The following ZNF679 variants were observed in gnomAD, a reference collection of about 807,000 sequenced individuals.
ZNF679 encodes the protein hypothetical protein MGC42415.
A neutral mutation model predicts 13.4 loss-of-function variants in ZNF679; 10 were observed. The ratio of observed to expected loss-of-function variants is 0.75; its 90% CI spans 0.46 to 1.27. ZNF679 has a LOEUF of 1.27. Ranked by LOEUF, ZNF679 falls within the 50% of genes most tolerant of loss-of-function variation. ZNF679 has a pLI of 0.00. For synonymous variants in ZNF679, 179 were observed against 162.5 expected (o/e 1.10, Z -0.77); for missense variants, 525 against 477.8 (o/e 1.10, Z -0.92).
At chr7:64,248,110 G>T (rs1787892516) in intron 1 of ZNF679, among the ~76,000 whole-genome samples, 1 of 151,982 alleles carries the variant, frequency 6.6e-6, no homozygotes, top group African/African-American at 2.4e-5. Flanking sequence ...AGAAGGTGAA[G>T]GGAAAGCAAG....
chr7:64,254,637 A>C (rs946021560), intron 2 of ZNF679, among the ~76,000 whole-genome samples: 2 of 152,200 alleles, frequency 1.3e-5, no homozygotes, highest in Non-Finnish European at 2.9e-5. Flanking sequence ...CCCAGTTTAC[A>C]GACAGTAGCT....
chr7:64,248,567 C>T (rs1225594072), intron 1 of ZNF679, among the ~76,000 whole-genome samples: 1 of 151,970 alleles, frequency 6.6e-6, no homozygotes, highest in Non-Finnish European at 1.5e-5. Context: ...GGCCTGAGCC[C>T]CCACGCCTGG....
rs1562840452 is a variant in ZNF679 at position 64,237,022 on chromosome 7, A to ACC, written c.-91+8370_-91+8371insCC. On this transcript the variant is annotated intron_variant, in intron 1 of 4. Transcript: ENST00000421025. ...AAGAAAAAGAAAGAAAGAAAGAAAG[A>ACC]AACCTATGGGTAGGGAACAGTACAC... 6.0e-5 allele frequency among the ~76,000 whole-genome samples: 9 copies of ACC among 151,028 alleles called. No homozygotes were observed. In the East Asian group the frequency reaches 1.2e-3, roughly 20 times the overall value.
chr7:64,250,020 T>C (rs368788302), intron 2 of ZNF679, among the ~76,000 whole-genome samples: 2 of 152,226 alleles, frequency 1.3e-5, no homozygotes, highest in East Asian at 3.9e-4. Context: ...TTTTGTATTT[T>C]TAGTAGAGAT....
rs1788159658 is a variant in ZNF679, at chr7:64,266,748, G to A, written c.1115G>A (p.Arg372Lys). The A allele has an allele frequency of 1.9e-6, 3 of 1,611,092 alleles. No individual in the cohort carries two copies. Among genetic ancestry groups the A allele is most frequent in the Non-Finnish European group, 2.5e-6 (3 of 1,178,636 alleles). Reference sequence around the variant, plus strand: ...TCCTCAACTCTTAATACTCATAAGAGGATTCATACTGGAGAGGAACCCTAC... The same window carrying A: ...TCCTCAACTCTTAATACTCATAAGAAGATTCATACTGGAGAGGAACCCTAC... ...AFSSTLNTHKRIHTGEEPYKC... is the reference protein window; with the variant it reads ...AFSSTLNTHKKIHTGEEPYKC... The change falls in exon 5 of 5, where the codon AGG (arginine) becomes AAG (lysine). Residue 372 changes from arginine (R) to lysine (K), a missense_variant. Physicochemically the swap from Arg to Lys is conservative, Grantham distance 26 (BLOSUM62 2). Transcript: ENST00000421025.
intron 4 of ZNF679, among the ~76,000 whole-genome samples, chr7:64,263,361 G>A (rs1400626426): frequency 6.6e-6 from 1 of 152,154 alleles, no homozygotes; most frequent in African/African-American, 2.4e-5. Flanking sequence ...AAAGTGCTGA[G>A]AGTACACCTG....
chr7:64,249,955 C>A (rs779857499), intron 2 of ZNF679, among the ~76,000 whole-genome samples: 1 of 152,088 alleles, frequency 6.6e-6, no homozygotes, highest in Non-Finnish European at 1.5e-5. Context: ...AGTTCTCACG[C>A]CTCAGGCTCC....
intron 1 of ZNF679, among the ~76,000 whole-genome samples, chr7:64,238,988 A>C (rs904444012): frequency 6.6e-6 from 1 of 152,122 alleles, no homozygotes; most frequent in East Asian, 1.9e-4. Flanking sequence ...TATGAAGATC[A>C]CAGAGGATTA....
intron 1 of ZNF679, among the ~76,000 whole-genome samples, chr7:64,244,313 T>A (rs915718827): frequency 3.3e-5 from 5 of 152,174 alleles, no homozygotes; most frequent in Non-Finnish European, 5.9e-5. Context: ...TTTAAAAAAA[T>A]TATTTAATTC....
intron 1 of ZNF679, among the ~76,000 whole-genome samples, chr7:64,246,280 A>C (rs1236687629): frequency 6.6e-6 from 1 of 152,198 alleles, no homozygotes; most frequent in Admixed American, 6.5e-5. Context: ...GTGTGCCATC[A>C]CTTACAAAAA....
chr7:64,258,796 C>T (rs769181862), intron 2 of ZNF679, among the ~76,000 whole-genome samples: 40 of 151,376 alleles, frequency 2.6e-4, no homozygotes, highest in Non-Finnish European at 5.2e-4. Context: ...CTGTTTATAC[C>T]TAATGAGTTT....
chr7:64,266,044 A>G lies in ZNF679; in HGVS notation c.411A>G (p.Gln137=), dbSNP rs1239591766. 6.2e-7 allele frequency: 1 copy of G among 1,613,370 alleles called. No individual in the cohort carries two copies. Residue 137 remains glutamine, a synonymous_variant, in exon 5 of 5, where the codon CAA becomes CAG. Transcript: ENST00000421025. ...TCKSMGECEV[Q]KGGCNEVNQC... ...AAAGCATGGGTGAGTGTGAGGTGCAAAAAGGAGGTTGTAATGAAGTTAACC... is the reference window on the plus strand; with the variant it reads ...AAAGCATGGGTGAGTGTGAGGTGCAGAAAGGAGGTTGTAATGAAGTTAACC...
In ZNF679 at chr7:64,266,742, A is replaced by T. The variant is rs1313135609; in HGVS notation, c.1109A>T (p.His370Leu). The change falls in exon 5 of 5, where the codon CAT becomes CTT. Residue 370 changes from histidine to leucine, a missense_variant. Transcript: ENST00000421025. ...AFAFSSTLNT[H>L]KRIHTGEEPY... ...GCCTTCTCCTCAACTCTTAATACTC[A>T]TAAGAGGATTCATACTGGAGAGGAA... is the stretch of plus-strand genomic sequence containing the variant. The T allele has an allele frequency of 6.2e-7, 1 of 1,611,532 alleles. No individual in the cohort carries two copies. Among genetic ancestry groups the T allele is most frequent in the South Asian group, 1.1e-5 (1 of 90,800 alleles).
At chr7:64,230,397 G>GT (rs1373313684) in intron 1 of ZNF679, among the ~76,000 whole-genome samples, 1 of 151,948 alleles carries the variant, frequency 6.6e-6, no homozygotes, top group Admixed American at 6.6e-5. Context: ...GCCGGGCGCG[G>GT]TGGCGGGCGC....
At chr7:64,247,019 A>G (rs143479368) in intron 1 of ZNF679, among the ~76,000 whole-genome samples, 7 of 152,292 alleles carry the variant, frequency 4.6e-5, no homozygotes, top group African/African-American at 1.7e-4. Flanking sequence ...TTTTTAGACC[A>G]TGTAAGGTCA....
At chr7:64,234,035 G>A (rs894356842) in intron 1 of ZNF679, among the ~76,000 whole-genome samples, 2 of 152,126 alleles carry the variant, frequency 1.3e-5, no homozygotes, top group Admixed American at 6.6e-5. Context: ...ACCCTCATTA[G>A]AATCAACTGC....
chr7:64,243,639 T>C (rs945461245), intron 1 of ZNF679, among the ~76,000 whole-genome samples: 2 of 152,118 alleles, frequency 1.3e-5, no homozygotes, highest in African/African-American at 4.8e-5. Context: ...CTCAGAAATA[T>C]GTCCCAATAC....
At chr7:64,264,449 T>C (rs1339169614) in intron 4 of ZNF679, among the ~76,000 whole-genome samples, 1 of 152,130 alleles carries the variant, frequency 6.6e-6, no homozygotes, top group Non-Finnish European at 1.5e-5. Context: ...TTTTTGTATA[T>C]GCATATGTTT....
At chr7:64,240,782 A>T (rs1006131507) in intron 1 of ZNF679, among the ~76,000 whole-genome samples, 2 of 152,144 alleles carry the variant, frequency 1.3e-5, no homozygotes, top group Non-Finnish European at 2.9e-5. Flanking sequence ...AATCCGGGAC[A>T]TTTTCCTGCT....
Sources: allele counts gnomAD v4.1 joint callset (sites outside exome capture counted in the v4.1 genomes callset), GRCh38; gene constraint gnomAD v4.1.1; transcripts MANE v1.5; gene names NCBI Gene and HGNC (gene_info 2026-07-23, HGNC 2026-07-21).